Variants in ADGRG4 observed in about 807,000 individuals in gnomAD.
ADGRG4 encodes the protein adhesion G protein-coupled receptor G4, also known as G protein-coupled receptor 112.
In ADGRG4, 122 loss-of-function variants were observed where a neutral mutation model predicts 126.2. The ratio of observed to expected loss-of-function variants is 0.97; its 90% confidence interval spans 0.83 to 1.12. ADGRG4 has a LOEUF of 1.12. Ranked by LOEUF, ADGRG4 falls within the 50% of genes most tolerant of loss-of-function variation. The probability of loss-of-function intolerance (pLI) is 0.00; values close to 1 mark genes in which losing one functional copy is unlikely to be tolerated. For synonymous variants in ADGRG4, 943 were observed against 838.7 expected (o/e 1.12, Z -2.15); for missense variants, 2,481 against 2,251.8 (o/e 1.10, Z -2.06).
intron 4 of ADGRG4, among the ~76,000 whole-genome samples, chrX:136,311,427 A>ACACG (rs1225730721): frequency 9.1e-6 from 1 of 109,881 alleles, no homozygotes; most frequent in Non-Finnish European, 1.9e-5. Flanking sequence ...ACACACACAC[A>ACACG]CACGCTCACA....
At position 136,348,764 on chromosome X, in the gene ADGRG4, A is replaced by T; in HGVS notation, c.5058A>T (p.Gly1686=). 1 of 1,208,869 alleles carries T rather than the reference A, an allele frequency of 8.3e-7. No individual in the cohort carries two copies. Among genetic ancestry groups the T allele is most frequent in the Non-Finnish European group, 1.1e-6 (1 of 894,147 alleles). ...AFSPLSSKST[G]AISSIPKTTF... Reference sequence around the variant, plus strand: ...CTCCACTCAGTTCTAAGAGCACTGGAGCTATTTCCTCCATTCCAAAGACCA... The same window carrying T: ...CTCCACTCAGTTCTAAGAGCACTGGTGCTATTTCCTCCATTCCAAAGACCA... The change falls in exon 6 of 26, where the codon GGA becomes GGT. Residue 1686 remains glycine (G), a synonymous_variant. Coordinates refer to ENST00000394143, the MANE Select transcript of ADGRG4 (RefSeq NM_153834.4).
chrX:136,409,604 C>A (rs778926804), intron 23 of ADGRG4, among the ~76,000 whole-genome samples: 27 of 111,585 alleles, frequency 2.4e-4, no homozygotes, highest in African/African-American at 8.8e-4. Flanking sequence ...CTGAATTCAT[C>A]CCCGCAGTTG....
In ADGRG4 at chrX:136,345,149, T is replaced by G. The variant is rs756120293; in HGVS notation, c.1443T>G (p.Asp481Glu). ...TCATCTCCACAGCTGCTCCAGTAGA[T>G]TCTGTATTTCCTAGAAACCAGACAG... ...PVLISTAAPVDSVFPRNQTAF... is the reference protein window; with the variant it reads ...PVLISTAAPVESVFPRNQTAF... Residue 481 changes from aspartate (D) to glutamate (E), a missense_variant, in exon 6 of 26, where the codon GAT becomes GAG. Physicochemically the swap from Asp to Glu is conservative, Grantham distance 45. Coordinates refer to ENST00000394143, the MANE Select transcript of ADGRG4 (RefSeq NM_153834.4). The G allele has an allele frequency of 5.8e-6, 7 of 1,211,266 alleles. No individual in the cohort carries two copies. In the Admixed American group the frequency reaches 1.3e-4, roughly 23 times the overall value.
intron 5 of ADGRG4, among the ~76,000 whole-genome samples, chrX:136,336,564 G>A (rs1261787579): frequency 9.0e-6 from 1 of 111,611 alleles, no homozygotes; most frequent in African/African-American, 3.3e-5. Context: ...ATGTCTTCCT[G>A]GTGAAGCAAT....
At chrX:136,396,791 CTTTTTTTT>C (rs778121909) in intron 19 of ADGRG4, among the ~76,000 whole-genome samples, 1 of 92,112 alleles carries the variant, frequency 1.1e-5, no homozygotes, top group Non-Finnish European at 2.2e-5. Context: ...ATAGTTCTGT[CTTTTTTTT>C]TTTTTTTCTT....
intron 15 of ADGRG4, among the ~76,000 whole-genome samples, chrX:136,384,744 T>C (rs2075284299): frequency 9.0e-6 from 1 of 110,709 alleles, no homozygotes; most frequent in African/African-American, 3.3e-5. Context: ...AAAGATGTCA[T>C]TTCACTCTCT....
intron 15 of ADGRG4, among the ~76,000 whole-genome samples, chrX:136,383,821 TCTTTCTTTC>T (rs1381290817): frequency 1.5e-5 from 1 of 68,272 alleles, no homozygotes; most frequent in African/African-American, 5.9e-5. Flanking sequence ...TGCCTTTCTT[TCTTTCTTTC>T]TTTCTTTCTT....
chrX:136,374,084 T>C (rs2075211069), intron 15 of ADGRG4, among the ~76,000 whole-genome samples: 1 of 112,194 alleles, frequency 8.9e-6, no homozygotes, highest in Admixed American at 9.4e-5. Flanking sequence ...TCTGCGATAG[T>C]TTTTCCTGTT....
chrX:136,393,637 G>A, intron 18 of ADGRG4, 57 bp downstream of exon 18: 1 of 897,120 alleles, frequency 1.1e-6, no homozygotes, highest in Admixed American at 2.3e-5. Flanking sequence ...CCACTTGGCA[G>A]TTAAATGGGA....
Position 136,373,073 on chromosome X carries a change from A to C in ADGRG4, c.7776+9A>C. ...AAGGCACAGACCCTGAGGTGAGTGC[A>C]GCTCAGGGAACTGAGAGCCAATCAG... On this transcript the variant is annotated intron_variant, in intron 15 of 25. Coordinates refer to ENST00000394143, the MANE Select transcript of ADGRG4 (RefSeq NM_153834.4). 3.4e-6 allele frequency: 4 copies of C among 1,182,607 alleles called. No homozygotes were observed. The highest frequency in any genetic ancestry group is 3.4e-6 in the Non-Finnish European group (3 of 880,032).
chrX:136,340,053 T>C (rs2074970635), intron 5 of ADGRG4, among the ~76,000 whole-genome samples: 1 of 111,372 alleles, frequency 9.0e-6, no homozygotes, highest in African/African-American at 3.3e-5. Flanking sequence ...AAGAGAAAGA[T>C]TGATGAAGCA....
At chrX:136,367,094 T>G (rs952414174) in intron 13 of ADGRG4, among the ~76,000 whole-genome samples, 1 of 111,819 alleles carries the variant, frequency 8.9e-6, no homozygotes, top group African/African-American at 3.3e-5. Context: ...AGACATTGAA[T>G]CTGTTCTTCA....
intron 13 of ADGRG4, 122 bp downstream of exon 13, chrX:136,363,717 A>G (rs148618402): frequency 2.4e-4 from 117 of 491,279 alleles, no homozygotes; most frequent in African/African-American, 2.4e-3. Flanking sequence ...CGACAATCCA[A>G]TTTCAGAACA....
chrX:136,378,190 A>C (rs1299153229), intron 15 of ADGRG4, among the ~76,000 whole-genome samples: 1 of 111,362 alleles, frequency 9.0e-6, no homozygotes, highest in African/African-American at 3.3e-5. Context: ...TCTTTTGATA[A>C]ATTTATTCCT....
chrX:136,376,527 A>C (rs1185854369), intron 15 of ADGRG4, among the ~76,000 whole-genome samples: 2 of 111,508 alleles, frequency 1.8e-5, no homozygotes, highest in African/African-American at 3.3e-5. Flanking sequence ...TGAGCAAGGG[A>C]TGTGTTTCCA....
rs770354001 is a variant in ADGRG4 at position 136,345,346 on chromosome X, C to T, written c.1640C>T (p.Ser547Phe). Residue 547 changes from serine (S) to phenylalanine (F), a missense_variant, in exon 6 of 26, where the codon TCC becomes TTC. Transcript: ENST00000394143. ...AGAGTGGAAGATGCCATGTCTACTTCCATGTCGAAAGAGACCTCCTCTAAG... is the reference window on the plus strand; with the variant it reads ...AGAGTGGAAGATGCCATGTCTACTTTCATGTCGAAAGAGACCTCCTCTAAG... ...LPRVEDAMST[S>F]MSKETSSKTF... 8 of 1,210,732 alleles carry T rather than the reference C, an allele frequency of 6.6e-6. No homozygotes were observed. Among genetic ancestry groups the T allele is most frequent in the Non-Finnish European group, 8.9e-6 (8 of 894,767 alleles).
In ADGRG4 at chrX:136,347,969, C is replaced by T. The variant is rs147526429; in HGVS notation, c.4263C>T (p.Ser1421=). 6.0e-4 allele frequency: 726 copies of T among 1,208,500 alleles called. 5 individuals are homozygous for T. In the African/African-American group the frequency reaches 0.011, roughly 19 times the overall value. The change falls in exon 6 of 26, where the codon TCC becomes TCT. Residue 1421 remains serine, a synonymous_variant. Coordinates refer to ENST00000394143, the MANE Select transcript of ADGRG4 (RefSeq NM_153834.4). ...QDTSFVDTTT[S]SSTRISNPMD... is the part of the protein sequence containing the mutation. ...CTTCATTTGTAGATACCACAACTTC[C>T]AGCTCAACAAGGATATCAAATCCTA...
intron 5 of ADGRG4, among the ~76,000 whole-genome samples, chrX:136,338,427 C>G (rs1322512031): frequency 9.0e-6 from 1 of 111,218 alleles, no homozygotes; most frequent in Non-Finnish European, 1.9e-5. Flanking sequence ...GGATTACAGG[C>G]ATGAGCCACC....
At chrX:136,343,495 C>T (rs1187428154) in intron 5 of ADGRG4, among the ~76,000 whole-genome samples, 5 of 111,026 alleles carry the variant, frequency 4.5e-5, no homozygotes, top group Non-Finnish European at 7.6e-5. Flanking sequence ...ACTATACAGC[C>T]AAATGTGAAG....
Sources: allele counts gnomAD v4.1 joint callset (sites outside exome capture counted in the v4.1 genomes callset), GRCh38; gene constraint gnomAD v4.1.1; transcripts MANE v1.5; gene names NCBI Gene and HGNC (gene_info 2026-07-23, HGNC 2026-07-21).